The following MYH9 variants were observed in gnomAD, a reference collection of about 807,000 sequenced individuals.
MYH9 encodes myosin heavy chain 9.
MYH9 carries 29 observed loss-of-function variants against 241.9 expected under a neutral mutation model. The ratio of observed to expected loss-of-function variants is 0.12; its 90% CI spans 0.09 to 0.16. The LOEUF is 0.16. MYH9 is among the 10% of genes least tolerant of loss of function. The pLI is 1.00. For missense variants in MYH9, 1,803 were observed against 2,595.5 expected (o/e 0.69, Z 6.63); for synonymous variants, 1,047 against 1,062.6 (o/e 0.99, Z 0.29).
rs999047089 is a variant in MYH9, at chr22:36,305,424, A to T, written c.2160-322T>A. 1.3e-5 allele frequency among the ~76,000 whole-genome samples: 2 copies of T among 152,216 alleles called. No individual in the cohort carries two copies. The highest frequency in any genetic ancestry group is 4.8e-5 in the African/African-American group (2 of 41,464). ...CTGTCACCCAGGGACAGCCATGTTC[A>T]CACAGCTTCCCTGGGACGCTGCAGG... On this transcript the variant is annotated intron_variant, in intron 17 of 40. Coordinates refer to ENST00000216181, the MANE Select transcript of MYH9 (RefSeq NM_002473.6). The surrounding 1 kb of genome is among the most constrained non-coding windows in gnomAD (Gnocchi z 4.7).
Position 36,287,691 on chromosome 22 carries a change from G to A in MYH9, c.4932+561C>T, listed in dbSNP as rs556919575. On this transcript the variant is annotated intron_variant, in intron 34 of 40. Coordinates refer to ENST00000216181, the MANE Select transcript of MYH9 (RefSeq NM_002473.6). The stretch of plus-strand genomic sequence containing the variant: ...CGGGAGGCGGAGCTTGCAGCAAGCC[G>A]AGATCATGCCACTGCACTCCAGCCT... 3.9e-5 allele frequency among the ~76,000 whole-genome samples: 6 copies of A among 152,316 alleles called. No homozygotes were observed. In the South Asian group the frequency reaches 6.2e-4, roughly 16 times the overall value.
chr22:36,336,430 G>C (rs990945078), intron 3 of MYH9, among the ~76,000 whole-genome samples: 1 of 152,212 alleles, frequency 6.6e-6, no homozygotes, highest in African/African-American at 2.4e-5. Context: ...CATTGTGCCT[G>C]CCCCGGGACA....
In MYH9 at chr22:36,352,760, C is replaced by T. The variant is rs182748375; in HGVS notation, c.-19-3505G>A. 6.6e-5 allele frequency among the ~76,000 whole-genome samples: 10 copies of T among 152,340 alleles called. No homozygotes were observed. In the East Asian group the frequency reaches 1.3e-3, roughly 21 times the overall value. On this transcript the variant is annotated intron_variant, in intron 1 of 40. Transcript: ENST00000216181. ...AATGCATCCCACCAGGGACACCCCC[C>T]GCCTCCAAGGACCAAGGCTCCAGCT...
rs1279009752 is a variant in MYH9, at chr22:36,306,868, C to T, written c.1844-261G>A. 1.3e-5 allele frequency among the ~76,000 whole-genome samples: 2 copies of T among 152,204 alleles called. No homozygotes were observed. The highest frequency in any genetic ancestry group is 4.8e-5 in the African/African-American group (2 of 41,446). On this transcript the variant is annotated intron_variant, in intron 15 of 40. Coordinates refer to ENST00000216181, the MANE Select transcript of MYH9 (RefSeq NM_002473.6). The surrounding 1 kb of genome is among the most constrained non-coding windows in gnomAD (Gnocchi z 4.1). ...CCATGGCCACCTCACCTTCCTGTCA[C>T]CTATCTTCAGCCACTCTCGAAGCTC...
At position 36,312,218 on chromosome 22, in the gene MYH9, C is replaced by G. The variant is rs2146354592; in HGVS notation, c.1559G>C (p.Gly520Ala). The stretch of plus-strand genomic sequence containing the variant: ...CAGCAGGGCCAGAATGCCCGGGGGG[C>G]CTGCCTGGAGGAAGCGCAGCATCAG... Reference protein sequence around the residue: ...PCIDLIEKPAGPPGILALLDE... With the variant: ...PCIDLIEKPAAPPGILALLDE... Residue 520 changes from glycine (G) to alanine (A), a missense_variant, in exon 14 of 41, where the codon GGC becomes GCC. This residue lies in a region of MYH9 where 163 missense variants were observed against 349.7 expected (regional missense o/e 0.47). Transcript: ENST00000216181. 1 of 1,613,980 alleles carries G rather than the reference C, an allele frequency of 6.2e-7. No individual in the cohort carries two copies. The highest frequency in any genetic ancestry group is 8.5e-7 in the Non-Finnish European group (1 of 1,180,000).
chr22:36,284,436 G>A lies in MYH9; in HGVS notation c.5559C>T (p.Asp1853=), dbSNP rs775990931. 1.2e-5 allele frequency: 19 copies of A among 1,613,114 alleles called. No individual in the cohort carries two copies. The highest frequency in any genetic ancestry group is 4.5e-5 in the East Asian group (2 of 44,894). Residue 1853 remains aspartate, a synonymous_variant, in exon 39 of 41, where the codon GAC becomes GAT. Coordinates refer to ENST00000216181, the MANE Select transcript of MYH9 (RefSeq NM_002473.6). Reference sequence around the variant, plus strand: ...TGTACTGCTCGGCGTTCCTCCGCTCGTCATCCACCTGCAGCAGCACATCCT... The same window carrying A: ...TGTACTGCTCGGCGTTCCTCCGCTCATCATCCACCTGCAGCAGCACATCCT... The part of the protein sequence containing the change: ...KLKDVLLQVD[D]ERRNAEQYKD...
intron 31 of MYH9, among the ~76,000 whole-genome samples, chr22:36,291,046 G>T (rs908154675): frequency 6.7e-6 from 1 of 149,848 alleles, no homozygotes; most frequent in Non-Finnish European, 1.5e-5. Flanking sequence ...ACCCCATCCG[G>T]GAGGGAGGTG....
rs1205219578 is a variant in MYH9 at position 36,285,741 on chromosome 22, T to C, written c.5191A>G (p.Ile1731Val). 1.2e-5 allele frequency: 19 copies of C among 1,612,286 alleles called. No homozygotes were observed. The highest frequency in any genetic ancestry group is 1.6e-5 in the Non-Finnish European group (19 of 1,179,576). The change falls in exon 37 of 41, where the codon ATC becomes GTC. Residue 1731 changes from isoleucine (I) to valine (V), a missense_variant. Around this residue, in one of 11 missense-constraint regions of MYH9, gnomAD observed 876 missense variants for 1,077.8 expected, o/e 0.81. Coordinates refer to ENST00000216181, the MANE Select transcript of MYH9 (RefSeq NM_002473.6). This position sits in a 1 kb window ranked among gnomAD's most constrained non-coding sequence, Gnocchi z 7.0. Reference protein sequence around the residue: ...LEEKRRLEARIAQLEEELEEE... With the variant: ...LEEKRRLEARVAQLEEELEEE... ...TCCAGCTCCTCCTCCAGCTGGGCGA[T>C]GCGGGCCTCCAGACGCCGCTTCTCC... is the stretch of plus-strand genomic sequence containing the variant.
At chr22:36,363,004 T>C (rs1053166556) in intron 1 of MYH9, among the ~76,000 whole-genome samples, 7 of 152,048 alleles carry the variant, frequency 4.6e-5, no homozygotes, top group African/African-American at 1.4e-4. Flanking sequence ...TCCATTCCAG[T>C]CACTAGAGCA....
At chr22:36,355,033 G>A (rs1323191046) in intron 1 of MYH9, among the ~76,000 whole-genome samples, 1 of 143,910 alleles carries the variant, frequency 6.9e-6, no homozygotes, top group African/African-American at 2.6e-5. Context: ...AGAAAGTCCC[G>A]AGCTCCTGTG....
chr22:36,286,951 A>G (rs2016596667), intron 34 of MYH9, 105 bp from the exon 35 acceptor site: 1 of 1,540,634 alleles, frequency 6.5e-7, no homozygotes, highest in East Asian at 2.3e-5. Flanking sequence ...TGCTCCACTC[A>G]ATGCTGTATT....
At chr22:36,303,549 G>A (rs553105852) in intron 19 of MYH9, among the ~76,000 whole-genome samples, 1 of 152,012 alleles carries the variant, frequency 6.6e-6, no homozygotes, top group South Asian at 2.1e-4. Context: ...TTGGGAGGCT[G>A]AGGTGGGCGG....
At chr22:36,367,199 G>A (rs551509193) in intron 1 of MYH9, among the ~76,000 whole-genome samples, 19 of 152,232 alleles carry the variant, frequency 1.2e-4, no homozygotes, top group South Asian at 2.1e-4. Context: ...GTCACCCTCC[G>A]GAGGGTTAAG....
intron 1 of MYH9, among the ~76,000 whole-genome samples, chr22:36,356,495 C>T (rs573834946): frequency 1.4e-5 from 2 of 145,110 alleles, no homozygotes; most frequent in South Asian, 2.2e-4. Context: ...GCACGAGAAT[C>T]GCTTGAACCC....
intron 39 of MYH9, 65 bp downstream of exon 39, chr22:36,284,338 C>A: frequency 6.2e-7 from 1 of 1,605,492 alleles, no homozygotes. Context: ...CCCCACTGCC[C>A]TGCCTGTCAC....
chr22:36,321,652 G>T, intron 7 of MYH9, 106 bp downstream of exon 7: 1 of 1,052,926 alleles, frequency 9.5e-7, no homozygotes, highest in Non-Finnish European at 1.5e-6. Flanking sequence ...GTCAGGATGG[G>T]CCCATAAAGG....
At chr22:36,314,349 C>T (rs149279579) in intron 12 of MYH9, 31 bp from the exon 13 acceptor site, 61 of 1,612,960 alleles carry the variant, frequency 3.8e-5, no homozygotes, top group East Asian at 3.6e-4. Flanking sequence ...GTCAGAGAGA[C>T]GCCAACCCTG....
In MYH9 at chr22:36,387,936, C is replaced by T. The variant is rs1036477773; in HGVS notation, c.-149G>A. On this transcript the variant is annotated 5_prime_UTR_variant, in exon 1 of 41. Transcript: ENST00000216181. ...CAGCAGGTCAGCCTTGCTTAGCCTT[C>T]CGTGCCCTGCCCAGGAACCGCGGTG... 1 of 152,156 alleles carries T rather than the reference C, an allele frequency of 6.6e-6. No homozygotes were observed. Among genetic ancestry groups the T allele is most frequent in the African/African-American group, 2.4e-5 (1 of 41,448 alleles). 9.4% of individuals were successfully genotyped at this position (152,156 alleles called of 1,614,324 possible).
chr22:36,348,667 A>G (rs1232182841), intron 2 of MYH9, among the ~76,000 whole-genome samples: 1 of 152,142 alleles, frequency 6.6e-6, no homozygotes. Flanking sequence ...CGTATGTTCT[A>G]AAACAGGCTT....
Sources: allele counts gnomAD v4.1 joint callset (sites outside exome capture counted in the v4.1 genomes callset), GRCh38; gene constraint gnomAD v4.1.1; regional missense constraint gnomAD v4.1.1; non-coding constraint Gnocchi (gnomAD v3.1); transcripts MANE v1.5; gene names NCBI Gene and HGNC (gene_info 2026-07-23, HGNC 2026-07-21).